Variants in IQSEC2 observed in about 807,000 individuals in gnomAD.
The protein encoded by IQSEC2 is IQ motif and SEC7 domain-containing protein 2.
Under a neutral mutation model 74.6 loss-of-function variants are expected in IQSEC2, and 6 were observed. That is an observed-to-expected ratio of 0.08 (90% CI 0.04 to 0.16). The LOEUF is 0.16. Among genes scored for constraint, IQSEC2 ranks in the 10% least tolerant of loss-of-function variants. The pLI, the probability that IQSEC2 is intolerant of heterozygous loss-of-function variation, is 1.00. For synonymous variants in IQSEC2, 494 were observed against 544.5 expected, an observed-to-expected ratio of 0.91 and a Z score of 1.29; for missense variants, 734 against 1,306.2, an observed-to-expected ratio of 0.56 and a Z score of 6.75.
At position 53,248,803 on chromosome X, in the gene IQSEC2, G is replaced by A; in HGVS notation, c.2377C>T (p.Leu793=). ...DTPVGVAHFI[L]ERKGLSRQMI... is the part of the protein sequence containing the mutation. ...TGCCGGCTGAGGCCTTTCCGCTCCA[G>A]GATGAAGTGAGCCACTCCCACCGGT... Residue 793 remains leucine (L), a synonymous_variant, in exon 6 of 15, where the codon CTG becomes TTG. Transcript: ENST00000642864. 8.3e-7 allele frequency: 1 copy of A among 1,211,281 alleles called. No homozygotes were observed. Among genetic ancestry groups the A allele is most frequent in the East Asian group, 3.0e-5 (1 of 33,845 alleles).
At chrX:53,252,761 T>C (rs114520806) in intron 4 of IQSEC2, among the ~76,000 whole-genome samples, 7,261 of 112,170 alleles carry the variant, frequency 0.065, 566 homozygotes, top group African/African-American at 0.22. Context: ...TGTTTATTGT[T>C]TAGGCTCACT....
intron 2 of IQSEC2, among the ~76,000 whole-genome samples, chrX:53,261,492 GCACA>G (rs3045180): frequency 5.1e-4 from 51 of 100,647 alleles, no homozygotes; most frequent in African/African-American, 1.2e-3. Flanking sequence ...ATCTGCATGT[GCACA>G]CACACACACA....
In IQSEC2 at chrX:53,251,130, G is replaced by A; in HGVS notation, c.1446C>T (p.His482=). Residue 482 remains histidine (H), a synonymous_variant, in exon 5 of 15, where the codon CAC becomes CAT. Coordinates refer to ENST00000642864, the MANE Select transcript of IQSEC2 (RefSeq NM_001111125.3). The part of the protein sequence containing the change: ...AESIDEALNC[H]PSGPMSEEPG... ...GCTCCTCAGACATGGGCCCTGACGG[G>A]TGGCAGTTCAGGGCTTCGTCGATGG... The A allele has an allele frequency of 1.7e-6, 2 of 1,212,057 alleles. No homozygotes were observed. Among genetic ancestry groups the A allele is most frequent in the Non-Finnish European group, 2.2e-6 (2 of 895,562 alleles).
At chrX:53,252,423 TA>T (rs1342589644) in intron 4 of IQSEC2, among the ~76,000 whole-genome samples, 5 of 109,819 alleles carry the variant, frequency 4.6e-5, no homozygotes, top group Admixed American at 9.6e-5. Context: ...TTTAAAACAT[TA>T]AAAAAAATTT....
In IQSEC2 at chrX:53,255,308, A is replaced by AAGGT. The variant is rs782207004; in HGVS notation, c.1000-381_1000-378dup. On this transcript the variant is annotated intron_variant, in intron 3 of 14. Coordinates refer to ENST00000642864, the MANE Select transcript of IQSEC2 (RefSeq NM_001111125.3). ...GAGAAAGGCAGAGAAGGAAGGAAGG[A>AAGGT]AGGTAGGTAGGTAGGTTGAATTACC... 9.9e-5 allele frequency among the ~76,000 whole-genome samples: 11 copies of AAGGT among 111,304 alleles called. No individual in the cohort carries two copies. In the South Asian group the frequency reaches 3.5e-3, roughly 35 times the overall value.
intron 10 of IQSEC2, chrX:53,239,625 G>C: frequency 7.8e-6 from 2 of 257,979 alleles, no homozygotes; most frequent in Non-Finnish European, 1.4e-5. Flanking sequence ...TGGTGATTCA[G>C]TGCCTTTCCC....
chrX:53,282,972 G>A (rs1181549780), intron 2 of IQSEC2, among the ~76,000 whole-genome samples: 1 of 111,392 alleles, frequency 9.0e-6, no homozygotes, highest in African/African-American at 3.3e-5. Flanking sequence ...TGGGAGCAGT[G>A]GGGTGGGTGG....
At chrX:53,248,278 G>A in intron 6 of IQSEC2, 42 bp from the exon 7 acceptor site, 1 of 1,199,669 alleles carries the variant, frequency 8.3e-7, no homozygotes, top group South Asian at 1.8e-5. Context: ...CAATTCCTCT[G>A]CAGAAAACCT....
chrX:53,239,328 C>T (rs782504424), intron 10 of IQSEC2, 34 bp from the exon 11 acceptor site: 26 of 934,456 alleles, frequency 2.8e-5, no homozygotes, highest in East Asian at 9.3e-5. Context: ...CAAGAGGCAG[C>T]GCTTTGGGTG....
chrX:53,260,264 G>A (rs1389392287), intron 2 of IQSEC2, among the ~76,000 whole-genome samples: 4 of 111,786 alleles, frequency 3.6e-5, no homozygotes, highest in South Asian at 3.7e-4. Context: ...GCAGTCCAGA[G>A]AGAGGGTACA....
intron 11 of IQSEC2, 73 bp from the exon 12 acceptor site, chrX:53,238,379 C>A (rs1189330914): frequency 9.8e-5 from 98 of 997,646 alleles, no homozygotes; most frequent in Non-Finnish European, 1.1e-4. Context: ...AATAATTTTT[C>A]TTTTCTGCTC....
At chrX:53,318,807 C>A (rs782430663) in intron 1 of IQSEC2, among the ~76,000 whole-genome samples, 1 of 113,028 alleles carries the variant, frequency 8.8e-6, no homozygotes, top group Non-Finnish European at 1.9e-5. Flanking sequence ...TGCAGCCAGG[C>A]TCGACCATAC....
intron 2 of IQSEC2, chrX:53,266,780 G>A: frequency 1.9e-6 from 2 of 1,042,580 alleles, no homozygotes; most frequent in Non-Finnish European, 2.5e-6. Context: ...GTCCAGAGGA[G>A]ACAGCAGTGG....
intron 1 of IQSEC2, among the ~76,000 whole-genome samples, chrX:53,294,368 T>G (rs1362098864): frequency 8.9e-6 from 1 of 112,161 alleles, no homozygotes; most frequent in Non-Finnish European, 1.9e-5. Flanking sequence ...TCCATCACCC[T>G]TTATGCATTT....
At chrX:53,247,388 A>G (rs1180246197) in intron 7 of IQSEC2, among the ~76,000 whole-genome samples, 1 of 112,364 alleles carries the variant, frequency 8.9e-6, no homozygotes, top group Non-Finnish European at 1.9e-5. Context: ...AGCTATTGGC[A>G]GTCCCATTTT....
At chrX:53,316,007 C>A (rs2075366849) in intron 1 of IQSEC2, among the ~76,000 whole-genome samples, 2 of 112,047 alleles carry the variant, frequency 1.8e-5, no homozygotes, top group Admixed American at 1.9e-4. Context: ...CTGGCCTGAT[C>A]CCTCCTTCCT....
downstream of IQSEC2, chrX:53,230,168 C>T (rs1479484461): frequency 2.7e-5 from 3 of 112,690 alleles, no homozygotes; most frequent in Non-Finnish European, 5.6e-5. Flanking sequence ...CAAGACTACT[C>T]CACTAAAAGG....
chrX:53,229,686 C>T (rs2074056053), downstream of IQSEC2: 1 of 110,556 alleles, frequency 9.0e-6, no homozygotes, highest in Non-Finnish European at 1.9e-5. Flanking sequence ...TGGATGAGAC[C>T]CTGTCTCAAA....
At chrX:53,264,913 A>T (rs782562399) in intron 2 of IQSEC2, among the ~76,000 whole-genome samples, 2 of 83,705 alleles carry the variant, frequency 2.4e-5, no homozygotes, top group African/African-American at 8.1e-5. Flanking sequence ...GGACACAGCC[A>T]CTGTCATGCT....
Sources: gnomAD v4.1 joint callset for allele counts (sites outside exome capture counted in the v4.1 genomes callset) on GRCh38, gnomAD v4.1.1 for gene constraint, MANE v1.5 for transcripts, NCBI Gene and HGNC (gene_info 2026-07-23, HGNC 2026-07-21) for gene names.